CRYBG3: variants seen among roughly 807,000 people sequenced by gnomAD.
CRYBG3 encodes very large A-kinase anchor protein.
CRYBG3 carries 127 observed loss-of-function variants against 244.2 expected under a neutral mutation model. That is an observed-to-expected ratio of 0.52 (90% CI 0.45 to 0.60). The LOEUF (loss-of-function observed/expected upper bound fraction) is 0.60. Ranked by LOEUF, CRYBG3 falls within the 20% of genes least tolerant of loss-of-function variation. The pLI is 0.00. For missense variants in CRYBG3, 3,325 were observed against 3,442.5 expected, an observed-to-expected ratio of 0.97 and a Z score of 0.85; for synonymous variants, 1,132 against 1,195.8, an observed-to-expected ratio of 0.95 and a Z score of 1.10.
intron 11 of CRYBG3, among the ~76,000 whole-genome samples, chr3:97,894,229 C>T (rs2039614064): frequency 6.6e-6 from 1 of 152,130 alleles, no homozygotes; most frequent in African/African-American, 2.4e-5. Context: ...TTCTACTGCA[C>T]AGAAAATTAT....
In CRYBG3 at chr3:97,864,575, C is replaced by T. The variant is rs1217636370; in HGVS notation, c.575C>T (p.Ser192Leu). 7 of 1,535,884 alleles carry T rather than the reference C, an allele frequency of 4.6e-6. No individual in the cohort carries two copies. The highest frequency in any genetic ancestry group is 1.2e-5 in the South Asian group (1 of 84,062). Residue 192 changes from serine (S) to leucine (L), a missense_variant, in exon 3 of 22, where the codon TCA becomes TTA. Coordinates refer to ENST00000389622, the MANE Select transcript of CRYBG3 (RefSeq NM_153605.4). The stretch of plus-strand genomic sequence containing the variant: ...CCAACAGAAGAACAAGACTCTAACT[C>T]ATCCGAACTCTCAGATGCTTTTTCT... ...THPTEEQDSN[S>L]SELSDAFSLD...
At position 97,875,321 on chromosome 3, in the gene CRYBG3, T is replaced by C. The variant is rs901034300; in HGVS notation, c.4127T>C (p.Val1376Ala). ...AGCACACAAATTAGTGAAAATAAAG[T>C]ATTAAATGAATTCTTCTCCCTAAGT... is the stretch of plus-strand genomic sequence containing the variant. ...NQSTQISENK[V>A]LNEFFSLSNL... is the part of the protein sequence containing the mutation. Residue 1376 changes from valine (V) to alanine (A), a missense_variant, in exon 4 of 22, where the codon GTA becomes GCA. Around this residue, in one of 4 missense-constraint regions of CRYBG3, gnomAD observed 635 missense variants for 771.7 expected, o/e 0.82. Coordinates refer to ENST00000389622, the MANE Select transcript of CRYBG3 (RefSeq NM_153605.4). 3 of 1,435,898 alleles carry C rather than the reference T, an allele frequency of 2.1e-6. No homozygotes were observed. The highest frequency in any genetic ancestry group is 3.8e-4 in the Middle Eastern group (2 of 5,322). The allele number at this position is 1,435,898 out of a possible 1,614,324, so 88.9% of individuals were successfully genotyped here.
chr3:97,889,645 T>C (rs978657958), intron 10 of CRYBG3, among the ~76,000 whole-genome samples: 1 of 152,100 alleles, frequency 6.6e-6, no homozygotes, highest in African/African-American at 2.4e-5. Context: ...TACATTCTGC[T>C]ACAGGGTGGA....
At chr3:97,933,501 C>CA (rs767511692) in intron 17 of CRYBG3, 193 bp from the exon 18 acceptor site, 4 of 678,616 alleles carry the variant, frequency 5.9e-6, no homozygotes, top group Admixed American at 4.6e-5. Context: ...TTTTAGTTTA[C>CA]AAAAAAGTGA....
chr3:97,880,809 C>T (rs2039436143), intron 6 of CRYBG3, among the ~76,000 whole-genome samples: 1 of 152,198 alleles, frequency 6.6e-6, no homozygotes, highest in African/African-American at 2.4e-5. Flanking sequence ...AGCATACATA[C>T]ATAAATATAG....
At chr3:97,898,834 TA>T (rs2039670018) in intron 12 of CRYBG3, 48 bp from the exon 13 acceptor site, 1 of 1,374,530 alleles carries the variant, frequency 7.3e-7, no homozygotes, top group Non-Finnish European at 9.9e-7. Flanking sequence ...TAGCAGTCCA[TA>T]AAACAGAATA....
At chr3:97,886,497 A>G (rs1180180292) in intron 7 of CRYBG3, 134 bp from the exon 8 acceptor site, 3 of 640,568 alleles carry the variant, frequency 4.7e-6, no homozygotes, top group Non-Finnish European at 7.3e-6. Flanking sequence ...GAGAAACAAT[A>G]TTTCCTTTAT....
At chr3:97,913,307 C>T (rs762809918) in intron 16 of CRYBG3, among the ~76,000 whole-genome samples, 2 of 152,168 alleles carry the variant, frequency 1.3e-5, no homozygotes, top group Admixed American at 6.5e-5. Context: ...CTATTCTCCT[C>T]TCTTCTAACA....
intron 2 of CRYBG3, 116 bp from the exon 3 acceptor site, chr3:97,864,101 A>G: frequency 1.3e-6 from 1 of 776,582 alleles, no homozygotes; most frequent in South Asian, 1.9e-5. Context: ...AGAAGCCATT[A>G]GTCTTATTCA....
In CRYBG3 at chr3:97,876,975, A is replaced by G. The variant is rs1273924051; in HGVS notation, c.5781A>G (p.Thr1927=). Residue 1927 remains threonine (T), a synonymous_variant, in exon 4 of 22, where the codon ACA becomes ACG. Transcript: ENST00000389622. ...TAGCACATGAAAATAGACTTCCTAC[A>G]TATTTCAGGGGATATGAATCCCCTA... ...GLIAHENRLP[T]YFRGYESPTL... is the part of the protein sequence containing the mutation. 3 of 1,513,334 alleles carry G rather than the reference A, an allele frequency of 2.0e-6. No homozygotes were observed. The highest frequency in any genetic ancestry group is 2.6e-6 in the Non-Finnish European group (3 of 1,134,620). 93.7% of individuals were successfully genotyped at this position (1,513,334 alleles called of 1,614,324 possible).
At chr3:97,896,121 T>C (rs1425046531) in intron 12 of CRYBG3, 36 bp downstream of exon 12, 1 of 1,565,806 alleles carries the variant, frequency 6.4e-7, no homozygotes, top group Non-Finnish European at 8.6e-7. Flanking sequence ...TTTCTACCTT[T>C]TAAAAAATCT....
chr3:97,912,218 G>A lies in CRYBG3; in HGVS notation c.8056G>A (p.Glu2686Lys). The change falls in exon 16 of 22, where the codon GAA becomes AAA. Residue 2686 changes from glutamate to lysine, a missense_variant. Coordinates refer to ENST00000389622, the MANE Select transcript of CRYBG3 (RefSeq NM_153605.4). ...CCAAGGTGAATGTATAGATTTTACA[G>A]AAGAAACTTCTGATTTGACTTCACT... ...GFQGECIDFTEETSDLTSLMP... is the reference protein window; with the variant it reads ...GFQGECIDFTKETSDLTSLMP... 1 of 1,609,024 alleles carries A rather than the reference G, an allele frequency of 6.2e-7. No individual in the cohort carries two copies. Among genetic ancestry groups the A allele is most frequent in the Non-Finnish European group, 8.5e-7 (1 of 1,177,704 alleles).
intron 17 of CRYBG3, among the ~76,000 whole-genome samples, chr3:97,919,956 G>C (rs1476055861): frequency 1.3e-5 from 2 of 152,028 alleles, no homozygotes; most frequent in African/African-American, 4.8e-5. Context: ...TTTTGGTTGA[G>C]ATGGGGTTTC....
chr3:97,926,047 C>A (rs551538229), intron 17 of CRYBG3, among the ~76,000 whole-genome samples: 3 of 151,760 alleles, frequency 2.0e-5, no homozygotes, highest in Non-Finnish European at 2.9e-5. Context: ...TGACCCTGGG[C>A]GTGTTTCTGA....
intron 17 of CRYBG3, among the ~76,000 whole-genome samples, chr3:97,922,951 A>G (rs904673913): frequency 6.6e-6 from 1 of 152,214 alleles, no homozygotes; most frequent in African/African-American, 2.4e-5. Flanking sequence ...ATGTCCATCA[A>G]TGATAGACGG....
chr3:97,834,103 C>T (rs538930076), intron 1 of CRYBG3, among the ~76,000 whole-genome samples: 1 of 152,264 alleles, frequency 6.6e-6, no homozygotes, highest in South Asian at 2.1e-4. Context: ...GGCCCCACCT[C>T]CAACACTGGG....
chr3:97,864,745 G>T, intron 3 of CRYBG3, 98 bp downstream of exon 3: 1 of 814,342 alleles, frequency 1.2e-6, no homozygotes, highest in Non-Finnish European at 1.9e-6. Context: ...GATTGGAAAA[G>T]ATATTCTGTA....
At position 97,874,169 on chromosome 3, in the gene CRYBG3, A is replaced by C; in HGVS notation, c.2975A>C (p.Asn992Thr). ...GAAATGGCGGAACTCAGCTTAACTA[A>C]TATTTCCCCTAAATTCCAAGAAACT... is the stretch of plus-strand genomic sequence containing the variant. ...HSEMAELSLT[N>T]ISPKFQETGS... is the part of the protein sequence containing the mutation. The change falls in exon 4 of 22, where the codon AAT (asparagine) becomes ACT (threonine). Residue 992 changes from asparagine (N) to threonine (T), a missense_variant. Transcript: ENST00000389622. 1.3e-6 allele frequency: 2 copies of C among 1,530,766 alleles called. No individual in the cohort carries two copies. Among genetic ancestry groups the C allele is most frequent in the Non-Finnish European group, 1.7e-6 (2 of 1,145,556 alleles). 94.8% of individuals were successfully genotyped at this position (1,530,766 alleles called of 1,614,324 possible).
At chr3:97,857,428 T>C (rs2039082093) in intron 2 of CRYBG3, among the ~76,000 whole-genome samples, 2 of 151,850 alleles carry the variant, frequency 1.3e-5, no homozygotes, top group African/African-American at 4.8e-5. Context: ...TTTTTTTTTT[T>C]TTTTTTGGTC....
Sources: gnomAD v4.1 joint callset for allele counts (sites outside exome capture counted in the v4.1 genomes callset) on GRCh38, gnomAD v4.1.1 for gene constraint, gnomAD v4.1.1 regional missense constraint, MANE v1.5 for transcripts, NCBI Gene and HGNC (gene_info 2026-07-23, HGNC 2026-07-21) for gene names.